PCDH15: variants seen among roughly 807,000 people sequenced by gnomAD.
PCDH15 encodes the protein protocadherin-15.
A neutral mutation model predicts 178.5 loss-of-function variants in PCDH15; 129 were observed. That is an observed-to-expected ratio of 0.72 (90% CI 0.63 to 0.84). The LOEUF (loss-of-function observed/expected upper bound fraction) is 0.84, where lower values mean the gene tolerates loss of function less well. Ranked by LOEUF, PCDH15 falls within the 40% of genes least tolerant of loss-of-function variation. The probability of loss-of-function intolerance (pLI) is 0.00; values close to 1 mark genes in which losing one functional copy is unlikely to be tolerated. For missense variants in PCDH15, 2,230 were observed against 2,099.9 expected (o/e 1.06, Z -1.21); for synonymous variants, 800 against 732.0 (o/e 1.09, Z -1.50).
chr10:54,710,959 G>A lies in PCDH15; in HGVS notation c.-28-46669C>T, dbSNP rs11004461. Reference sequence around the variant, plus strand: ...AATAATAATGCAGCAGGCATAAACCGGATTGCTTTGGGAAAACCAGTATAT... The same window carrying A: ...AATAATAATGCAGCAGGCATAAACCAGATTGCTTTGGGAAAACCAGTATAT... On this transcript the variant is annotated intron_variant, in intron 1 of 37. Coordinates refer to ENST00000644397, the MANE Select transcript of PCDH15 (RefSeq NM_001384140.1). Among the ~76,000 whole-genome samples the A allele has an allele frequency of 7.4e-3, 1,125 of 152,020 alleles. 18 individuals are homozygous for A. The highest frequency in any genetic ancestry group is 0.054 in the East Asian group (281 of 5,160).
intron 3 of PCDH15, among the ~76,000 whole-genome samples, chr10:54,504,948 C>T (rs912605096): frequency 1.3e-5 from 2 of 152,062 alleles, no homozygotes; most frequent in Non-Finnish European, 2.9e-5. Context: ...TATTAACATA[C>T]TGCAGACTTT....
chr10:54,381,986 A>G (rs1478815871), intron 3 of PCDH15, among the ~76,000 whole-genome samples: 1 of 152,170 alleles, frequency 6.6e-6, no homozygotes, highest in Non-Finnish European at 1.5e-5. Context: ...CATTTCTACT[A>G]TAATACTATA....
At chr10:54,703,429 A>T (rs2095333636) in intron 1 of PCDH15, among the ~76,000 whole-genome samples, 1 of 152,098 alleles carries the variant, frequency 6.6e-6, no homozygotes, top group African/African-American at 2.4e-5. Context: ...GGAAGAGAGG[A>T]AGTCAAACTG....
chr10:55,116,154 A>G (rs955689258), intron 2 of PCDH15, among the ~76,000 whole-genome samples: 6 of 152,168 alleles, frequency 3.9e-5, no homozygotes, highest in Admixed American at 3.9e-4. Context: ...AGTAGCTAAA[A>G]GATTGTTTAT....
intron 2 of PCDH15, among the ~76,000 whole-genome samples, chr10:55,612,529 T>C (rs1239999706): frequency 1.3e-5 from 2 of 152,124 alleles, no homozygotes; most frequent in Non-Finnish European, 2.9e-5. Context: ...TCAGATATTT[T>C]AAGAAAATTC....
At chr10:54,594,737 T>C (rs1159315082) in intron 2 of PCDH15, among the ~76,000 whole-genome samples, 2 of 152,192 alleles carry the variant, frequency 1.3e-5, no homozygotes, top group African/African-American at 4.8e-5. Flanking sequence ...TACCATGCCA[T>C]GCCATGCCAC....
chr10:54,361,379 A>ATTT (rs1467812995), intron 5 of PCDH15, among the ~76,000 whole-genome samples: 1 of 152,072 alleles, frequency 6.6e-6, no homozygotes, highest in Admixed American at 6.6e-5. Flanking sequence ...AGGAATCATG[A>ATTT]TTGGATGAAA....
At chr10:54,335,567 A>G (rs565395639) in intron 6 of PCDH15, among the ~76,000 whole-genome samples, 3 of 152,296 alleles carry the variant, frequency 2.0e-5, no homozygotes, top group African/African-American at 7.2e-5. Context: ...AAGTCTCATG[A>G]GATCTGATGC....
intron 13 of PCDH15, among the ~76,000 whole-genome samples, chr10:54,166,410 TA>T (rs1012818291): frequency 6.6e-6 from 1 of 152,186 alleles, no homozygotes; most frequent in African/African-American, 2.4e-5. Context: ...ACGAATCACC[TA>T]AAAATCTGTG....
Position 55,342,454 on chromosome 10 carries a change from ATTAT to A in PCDH15, c.-155-175807_-155-175804del, listed in dbSNP as rs570770392. Among the ~76,000 whole-genome samples, 52 of 151,890 alleles carry A rather than the reference ATTAT, an allele frequency of 3.4e-4. No individual in the cohort carries two copies. The South Asian group carries it at 6.6e-3, about 19-fold the overall frequency. Reference sequence around the variant, plus strand: ...TTAATTTGTGTTTGTTTTACTTTTTATTATTTATTTATTTATTTTTTAGTTTTTA... The same window carrying A: ...TTAATTTGTGTTTGTTTTACTTTTTATTATTTATTTATTTTTTAGTTTTTA... On this transcript the variant is annotated intron_variant, in intron 2 of 5. Coordinates refer to the PCDH15 transcript ENST00000613346.
In PCDH15 at chr10:54,579,895, G is replaced by A. The variant is rs141217836; in HGVS notation, c.92-52018C>T. ...CCTGAAGGACTTTCAGATAAACAACGATATTAAGGAAATTTATAAAATTAT... is the reference window on the plus strand; with the variant it reads ...CCTGAAGGACTTTCAGATAAACAACAATATTAAGGAAATTTATAAAATTAT... On this transcript the variant is annotated intron_variant, in intron 2 of 37. Coordinates refer to ENST00000644397, the MANE Select transcript of PCDH15 (RefSeq NM_001384140.1). Among the ~76,000 whole-genome samples, 5 of 151,990 alleles carry A rather than the reference G, an allele frequency of 3.3e-5. No homozygotes were observed. In the East Asian group the frequency reaches 5.8e-4, roughly 18 times the overall value.
chr10:54,213,973 T>C lies in PCDH15; in HGVS notation c.1061A>G (p.Asn354Ser). 6.2e-7 allele frequency: 1 copy of C among 1,610,798 alleles called. No homozygotes were observed. The highest frequency in any genetic ancestry group is 8.5e-7 in the Non-Finnish European group (1 of 1,177,218). The change falls in exon 10 of 38, where the codon AAC becomes AGC. Residue 354 changes from asparagine (N) to serine (S), a missense_variant. Physicochemically the swap from Asn to Ser is conservative, Grantham distance 46. Transcript: ENST00000644397. ...TAELSLLEPV[N>S]RDFHQKFDLV... ...ATCAAATTTCTGGTGAAAGTCTCTG[T>C]TTACTGGCTCCAGGAGACTAAGTTC...
chr10:54,147,617 A>G (rs144914492), intron 14 of PCDH15, among the ~76,000 whole-genome samples: 1 of 152,034 alleles, frequency 6.6e-6, no homozygotes, highest in Non-Finnish European at 1.5e-5. Flanking sequence ...ATTTAGCACA[A>G]CACAATCTTC....
intron 1 of PCDH15, among the ~76,000 whole-genome samples, chr10:55,251,168 C>T (rs1841826303): frequency 6.6e-6 from 1 of 151,762 alleles, no homozygotes; most frequent in Middle Eastern, 3.2e-3. Flanking sequence ...TTTAAATTTC[C>T]CCAGTTTTAC....
chr10:55,477,494 G>A (rs570264920), intron 2 of PCDH15, among the ~76,000 whole-genome samples: 2 of 152,042 alleles, frequency 1.3e-5, no homozygotes, highest in South Asian at 4.1e-4. Flanking sequence ...TAAGGATATA[G>A]CCTGGCAAGG....
chr10:54,389,217 T>C (rs1177380245), intron 3 of PCDH15, among the ~76,000 whole-genome samples: 1 of 152,176 alleles, frequency 6.6e-6, no homozygotes, highest in African/African-American at 2.4e-5. Context: ...TTTACCAATA[T>C]ACTTGTTAAA....
intron 2 of PCDH15, among the ~76,000 whole-genome samples, chr10:55,110,253 G>A (rs895914849): frequency 1.3e-5 from 2 of 151,884 alleles, no homozygotes; most frequent in South Asian, 2.1e-4. Context: ...ACTTTCTAAG[G>A]ATACAGAAAT....
chr10:54,158,779 C>G (rs950442533), intron 13 of PCDH15, among the ~76,000 whole-genome samples: 1 of 152,018 alleles, frequency 6.6e-6, no homozygotes, highest in Non-Finnish European at 1.5e-5. Flanking sequence ...AGTGTAAACA[C>G]GGTATTTTAT....
At chr10:55,423,729 G>T (rs1292803461) in intron 2 of PCDH15, among the ~76,000 whole-genome samples, 1 of 152,046 alleles carries the variant, frequency 6.6e-6, no homozygotes, top group Non-Finnish European at 1.5e-5. Context: ...AACATACCTT[G>T]ATGTGCAGCA....
Sources: allele counts gnomAD v4.1 joint callset (sites outside exome capture counted in the v4.1 genomes callset), GRCh38; gene constraint gnomAD v4.1.1; transcripts MANE v1.5; gene names NCBI Gene and HGNC (gene_info 2026-07-23, HGNC 2026-07-21).